The following APP variants were observed in gnomAD, a reference collection of about 807,000 sequenced individuals.
APP encodes the protein amyloid beta precursor protein, also known as amyloid-beta precursor protein.
APP carries 31 observed loss-of-function variants against 101.4 expected under a neutral mutation model. The observed-to-expected ratio is 0.31, with a 90% CI of 0.23 to 0.41. The LOEUF (loss-of-function observed/expected upper bound fraction) is 0.41, where lower values mean the gene tolerates loss of function less well. Ranked by LOEUF, APP falls within the 10% of genes least tolerant of loss-of-function variation. The probability of loss-of-function intolerance (pLI) is 1.00; values close to 1 mark genes in which losing one functional copy is unlikely to be tolerated. For synonymous variants in APP, 366 were observed against 364.4 expected (o/e 1.00, Z -0.05); for missense variants, 839 against 1,003.7 (o/e 0.84, Z 2.22).
rs199715771 is a variant in APP, at chr21:25,897,524, C to T, written c.2064+49G>A. 5 of 1,382,328 alleles carry T rather than the reference C, an allele frequency of 3.6e-6. No individual in the cohort carries two copies. The Admixed American group carries it at 8.4e-5, about 23-fold the overall frequency. 85.6% of individuals were successfully genotyped at this position (1,382,328 alleles called of 1,614,324 possible). A position where few individuals can be genotyped will look rare whatever the true frequency, so the allele number is the denominator to read the frequency against. On this transcript the variant is annotated intron_variant, in intron 16 of 17. Transcript: ENST00000346798. ...ACAGGATGAACCAGAGTTAATAGGT[C>T]ATTTGGCAAGACAAACAGTAGTGGA... is the stretch of plus-strand genomic sequence containing the variant.
At chr21:25,891,950 C>A (rs1416244436) in intron 16 of APP, 82 bp from the exon 17 acceptor site, 30 of 1,377,372 alleles carry the variant, frequency 2.2e-5, no homozygotes, top group Middle Eastern at 1.9e-4. Context: ...AGAAGAATTT[C>A]ATTTCTTAAA....
At chr21:26,129,162 T>C (rs1414323410) in intron 1 of APP, among the ~76,000 whole-genome samples, 2 of 152,068 alleles carry the variant, frequency 1.3e-5, no homozygotes, top group Non-Finnish European at 2.9e-5. Flanking sequence ...TTTTATAAGG[T>C]CCCAATGCAG....
At chr21:26,104,660 C>A (rs998591619) in intron 2 of APP, among the ~76,000 whole-genome samples, 15 of 152,024 alleles carry the variant, frequency 9.9e-5, no homozygotes, top group African/African-American at 3.6e-4. Flanking sequence ...ACAAAACAAC[C>A]CAGTAACACA....
At chr21:25,912,158 A>G (rs1412644193) in intron 13 of APP, among the ~76,000 whole-genome samples, 196 bp from the exon 14 acceptor site, 1 of 152,188 alleles carries the variant, frequency 6.6e-6, no homozygotes, top group Admixed American at 6.5e-5. Context: ...CATTCAAGCT[A>G]CTTATGCAAA....
intron 1 of APP, 109 bp from the exon 2 acceptor site, chr21:26,112,255 A>G (rs768811150): frequency 2.4e-5 from 28 of 1,188,538 alleles, no homozygotes; most frequent in Non-Finnish European, 3.5e-5. Context: ...CTCATTCTCA[A>G]TTAGGAATCA....
intron 17 of APP, among the ~76,000 whole-genome samples, chr21:25,883,137 T>C (rs2037097750): frequency 1.3e-5 from 2 of 152,330 alleles, no homozygotes; most frequent in South Asian, 4.1e-4. Flanking sequence ...GTGCAGTGGC[T>C]CACTCCTGTA....
At chr21:25,897,492 T>C in intron 16 of APP, 81 bp downstream of exon 16, 1 of 1,071,564 alleles carries the variant, frequency 9.3e-7, no homozygotes, top group Non-Finnish European at 1.5e-6. Context: ...TTAATTTGAT[T>C]TCTAGCACAG....
At chr21:26,135,861 C>A (rs989103495) in intron 1 of APP, among the ~76,000 whole-genome samples, 1 of 151,988 alleles carries the variant, frequency 6.6e-6, no homozygotes, top group South Asian at 2.1e-4. Flanking sequence ...CAGCCAGGCA[C>A]GGTGGCTCAC....
At chr21:26,077,074 A>C (rs1202714989) in intron 3 of APP, among the ~76,000 whole-genome samples, 1 of 151,852 alleles carries the variant, frequency 6.6e-6, no homozygotes, top group East Asian at 1.9e-4. Flanking sequence ...AAAAAAAAAA[A>C]AAAAGAAAGA....
chr21:26,100,476 T>C (rs2000989), intron 2 of APP, among the ~76,000 whole-genome samples: 8,418 of 152,274 alleles, frequency 0.055, 381 homozygotes, highest in East Asian at 0.13. Context: ...CCTTCTACCA[T>C]AGGATAATGT....
chr21:25,965,496 T>G (rs2041760915), intron 11 of APP, among the ~76,000 whole-genome samples: 1 of 152,216 alleles, frequency 6.6e-6, no homozygotes, highest in Non-Finnish European at 1.5e-5. Flanking sequence ...CCTCTCCTCT[T>G]CCCATACCTA....
intron 11 of APP, among the ~76,000 whole-genome samples, chr21:25,956,472 G>A (rs2146496326): frequency 6.6e-6 from 1 of 152,128 alleles, no homozygotes; most frequent in South Asian, 2.1e-4. Flanking sequence ...TAAAAACTAA[G>A]GACAAAGATT....
At chr21:25,931,711 C>T (rs543080537) in intron 13 of APP, among the ~76,000 whole-genome samples, 2 of 152,100 alleles carry the variant, frequency 1.3e-5, no homozygotes, top group African/African-American at 4.8e-5. Flanking sequence ...GAGATGCTAT[C>T]GGGGTGGAGG....
rs191422298 is a variant in APP, at chr21:26,117,695, T to C, written c.58-5549A>G. Among the ~76,000 whole-genome samples the C allele has an allele frequency of 5.3e-5, 8 of 152,288 alleles. No homozygotes were observed. The East Asian group carries it at 7.7e-4, about 15-fold the overall frequency. On this transcript the variant is annotated intron_variant, in intron 1 of 17. Transcript: ENST00000346798. ...CCCCTGTGTGTGTGTGTGCATGTATTTGTGGTGAGCAAAAATAGAGAAGCT... is the reference window on the plus strand; with the variant it reads ...CCCCTGTGTGTGTGTGTGCATGTATCTGTGGTGAGCAAAAATAGAGAAGCT...
chr21:25,983,901 G>A (rs1352355577), intron 8 of APP, among the ~76,000 whole-genome samples: 2 of 152,214 alleles, frequency 1.3e-5, no homozygotes, highest in East Asian at 1.9e-4. Context: ...TTGCAATTAA[G>A]CACATTTGGA....
chr21:25,997,434 G>T lies in APP; in HGVS notation c.1034-18C>A. 1 of 1,603,460 alleles carries T rather than the reference G, an allele frequency of 6.2e-7. No individual in the cohort carries two copies. Among genetic ancestry groups the T allele is most frequent in the South Asian group, 1.1e-5 (1 of 90,812 alleles). The stretch of plus-strand genomic sequence containing the variant: ...TTGGGACACTATGGAAAAAATAAGA[G>T]AACATAACTAAAAACAAAAAGAGAA... On this transcript the variant is annotated intron_variant, in intron 7 of 17. Transcript: ENST00000346798.
chr21:25,969,768 G>A (rs1025939355), intron 11 of APP, among the ~76,000 whole-genome samples: 6 of 151,536 alleles, frequency 4.0e-5, no homozygotes, highest in Admixed American at 4.0e-4. Flanking sequence ...GAGCCCAGGA[G>A]GTTGGGGCTG....
intron 9 of APP, among the ~76,000 whole-genome samples, chr21:25,982,039 G>GGTACTAC (rs2042452412): frequency 2.6e-5 from 4 of 152,086 alleles, no homozygotes; most frequent in African/African-American, 9.7e-5. Context: ...ACAACATGTT[G>GGTACTAC]ATTACAGGTA....
intron 1 of APP, among the ~76,000 whole-genome samples, chr21:26,168,205 A>AACC (rs2063659091): frequency 1.3e-5 from 2 of 152,188 alleles, no homozygotes; most frequent in African/African-American, 4.8e-5. Flanking sequence ...CCCAGATAAT[A>AACC]ACCATGTTTC....
Sources: allele counts gnomAD v4.1 joint callset (sites outside exome capture counted in the v4.1 genomes callset), GRCh38; gene constraint gnomAD v4.1.1; transcripts MANE v1.5; gene names NCBI Gene and HGNC (gene_info 2026-07-23, HGNC 2026-07-21).